The following PDGFD variants were observed in gnomAD, a reference collection of about 807,000 sequenced individuals.
The protein encoded by PDGFD is platelet derived growth factor D, also known as platelet-derived growth factor D.
Under a neutral mutation model 44.7 loss-of-function variants are expected in PDGFD, and 30 were observed. The ratio of observed to expected loss-of-function variants is 0.67; its 90% CI spans 0.50 to 0.91. The LOEUF (loss-of-function observed/expected upper bound fraction) is 0.91, where lower values mean the gene tolerates loss of function less well. Among genes scored for constraint, PDGFD ranks in the 40% least tolerant of loss-of-function variants. The probability of loss-of-function intolerance (pLI) is 0.00; values close to 1 mark genes in which losing one functional copy is unlikely to be tolerated. For missense variants in PDGFD, 445 were observed against 457.8 expected, an observed-to-expected ratio of 0.97 and a Z score of 0.25; for synonymous variants, 173 against 168.4, an observed-to-expected ratio of 1.03 and a Z score of -0.21.
chr11:104,090,196 A>G (rs1861191765), intron 1 of PDGFD, among the ~76,000 whole-genome samples: 1 of 152,190 alleles, frequency 6.6e-6, no homozygotes, highest in Non-Finnish European at 1.5e-5. Context: ...ACCACAATAA[A>G]AAGCTATGAA....
rs142150089 is a variant in PDGFD, at chr11:103,926,922, T to G, written c.977A>C (p.Lys326Thr). ...CTAAGAATGACATACCTCATGATAC[T>G]TTTTCACGGTTTTCCCTGAATTGCA... is the stretch of plus-strand genomic sequence containing the variant. ...CTCNSGKTVK[K>T]YHEVLQFEPG... Residue 326 changes from lysine to threonine, a missense_variant, in exon 6 of 7, where the codon AAG (lysine) becomes ACG (threonine). By Grantham distance (78) the Lys-to-Thr change is moderately conservative. Transcript: ENST00000393158. 1.9e-6 allele frequency: 3 copies of G among 1,613,576 alleles called. No individual in the cohort carries two copies. The South Asian group carries it at 3.3e-5, about 18-fold the overall frequency.
At chr11:104,138,490 A>T (rs1219962097) in intron 1 of PDGFD, among the ~76,000 whole-genome samples, 2 of 152,226 alleles carry the variant, frequency 1.3e-5, no homozygotes, top group Non-Finnish European at 2.9e-5. Flanking sequence ...TATGTGTATT[A>T]TAGCAAAGCA....
At chr11:104,137,314 C>T (rs1862021636) in intron 1 of PDGFD, among the ~76,000 whole-genome samples, 1 of 151,978 alleles carries the variant, frequency 6.6e-6, no homozygotes, top group Non-Finnish European at 1.5e-5. Flanking sequence ...TCAATCCTTG[C>T]TCTTCCGGAG....
In PDGFD at chr11:104,038,231, G is replaced by T. The variant is rs1860286834; in HGVS notation, c.125-37976C>A. The T allele has an allele frequency of 3.6e-6, 2 of 548,926 alleles. 1 individual carries two copies. Among genetic ancestry groups the T allele is most frequent in the South Asian group, 6.1e-5 (2 of 32,562 alleles). The allele number at this position is 548,926 out of a possible 1,614,324, so 34.0% of individuals were successfully genotyped here. A position where few individuals can be genotyped will look rare whatever the true frequency, so the allele number is the denominator to read the frequency against. ...TCCAGAGATCACTGAAAGGCATCCT[G>T]GGAAGGCTCTGGAGGCTCCAGCTGA... On this transcript the variant is annotated intron_variant, in intron 1 of 6. Transcript: ENST00000393158.
At chr11:104,033,076 A>G (rs1391608708) in intron 1 of PDGFD, among the ~76,000 whole-genome samples, 3 of 131,818 alleles carry the variant, frequency 2.3e-5, no homozygotes, top group Non-Finnish European at 5.1e-5. Flanking sequence ...GTGTGTGTGT[A>G]ATATATTTTA....
chr11:104,100,968 A>C (rs1322331207), intron 1 of PDGFD, among the ~76,000 whole-genome samples: 1 of 152,164 alleles, frequency 6.6e-6, no homozygotes, highest in Non-Finnish European at 1.5e-5. Flanking sequence ...AATAAGAGCT[A>C]TTTATGACAA....
At chr11:104,136,950 T>A (rs1163246844) in intron 1 of PDGFD, among the ~76,000 whole-genome samples, 1 of 152,230 alleles carries the variant, frequency 6.6e-6, no homozygotes, top group African/African-American at 2.4e-5. Context: ...GTCTTTAGAA[T>A]GTAACTAGTC....
intron 1 of PDGFD, among the ~76,000 whole-genome samples, chr11:104,162,934 C>G (rs2053298334): frequency 6.6e-6 from 1 of 152,094 alleles, no homozygotes; most frequent in African/African-American, 2.4e-5. Context: ...CTAAAATTTG[C>G]TGGGAACATC....
chr11:104,158,771 T>C (rs1180896156), intron 1 of PDGFD, among the ~76,000 whole-genome samples: 1 of 151,316 alleles, frequency 6.6e-6, no homozygotes, highest in Admixed American at 6.6e-5. Flanking sequence ...GGTGGAGCTT[T>C]CAGTTAGCCG....
chr11:103,984,142 A>C (rs1859316170), intron 3 of PDGFD, among the ~76,000 whole-genome samples: 1 of 151,786 alleles, frequency 6.6e-6, no homozygotes, highest in South Asian at 2.1e-4. Flanking sequence ...TACAATAGCA[A>C]ATACACGGAA....
intron 1 of PDGFD, among the ~76,000 whole-genome samples, chr11:104,144,674 G>T (rs1398609762): frequency 6.6e-6 from 1 of 152,102 alleles, no homozygotes; most frequent in Non-Finnish European, 1.5e-5. Context: ...GCTGGCAATT[G>T]TCTTACCTAA....
intron 1 of PDGFD, among the ~76,000 whole-genome samples, chr11:104,139,690 G>A (rs989468940): frequency 6.6e-6 from 1 of 152,102 alleles, no homozygotes; most frequent in Non-Finnish European, 1.5e-5. Context: ...CTCTTCCCTA[G>A]AAACCAGCAT....
intron 1 of PDGFD, among the ~76,000 whole-genome samples, chr11:104,147,713 T>C (rs896136342): frequency 1.3e-5 from 2 of 152,086 alleles, no homozygotes; most frequent in African/African-American, 4.8e-5. Context: ...ATGGGTGACA[T>C]AGTAAAAATC....
At chr11:104,115,882 T>C (rs1182057537) in intron 1 of PDGFD, among the ~76,000 whole-genome samples, 2 of 152,056 alleles carry the variant, frequency 1.3e-5, no homozygotes, top group African/African-American at 2.4e-5. Flanking sequence ...TTTGATGGGA[T>C]TGTTGGTTTT....
intron 6 of PDGFD, among the ~76,000 whole-genome samples, chr11:103,924,845 G>A (rs749127872): frequency 6.6e-6 from 1 of 152,046 alleles, no homozygotes; most frequent in Non-Finnish European, 1.5e-5. Flanking sequence ...TTAAGTTGTG[G>A]GATACTTGTG....
intron 1 of PDGFD, among the ~76,000 whole-genome samples, chr11:104,007,852 T>C (rs2134372361): frequency 6.6e-6 from 1 of 152,216 alleles, no homozygotes; most frequent in Middle Eastern, 3.4e-3. Context: ...CCTAAATTTG[T>C]GTGGGATGCA....
chr11:104,160,543 A>C (rs1372826960), intron 1 of PDGFD, among the ~76,000 whole-genome samples: 1 of 152,244 alleles, frequency 6.6e-6, no homozygotes, highest in Non-Finnish European at 1.5e-5. Flanking sequence ...GCTACTGCTA[A>C]ATTAAGATTT....
chr11:103,941,857 T>C (rs1404675674), intron 5 of PDGFD, among the ~76,000 whole-genome samples: 2 of 152,124 alleles, frequency 1.3e-5, no homozygotes, highest in Non-Finnish European at 2.9e-5. Context: ...TAAAATTTCC[T>C]CTGGGGTTTT....
chr11:104,038,704 T>C (rs1254568625), intron 1 of PDGFD: 2 of 167,092 alleles, frequency 1.2e-5, no homozygotes. Context: ...CTATTTCTCC[T>C]GCATTCAAAG....
Sources: allele counts gnomAD v4.1 joint callset (sites outside exome capture counted in the v4.1 genomes callset), GRCh38; gene constraint gnomAD v4.1.1; transcripts MANE v1.5; gene names NCBI Gene and HGNC (gene_info 2026-07-23, HGNC 2026-07-21).